OSBPL9: variants seen among roughly 807,000 people sequenced by gnomAD.
OSBPL9 encodes oxysterol binding protein like 9.
A neutral mutation model predicts 106.6 loss-of-function variants in OSBPL9; 40 were observed. That is an observed-to-expected ratio of 0.38 (90% CI 0.29 to 0.49). The LOEUF (loss-of-function observed/expected upper bound fraction) is 0.49. Ranked by LOEUF, OSBPL9 falls within the 20% of genes least tolerant of loss-of-function variation. The pLI is 0.97. For synonymous variants in OSBPL9, 269 were observed against 295.4 expected (o/e 0.91, Z 0.92); for missense variants, 609 against 887.2 (o/e 0.69, Z 3.98).
At chr1:51,644,126 G>T (rs1005116053) in intron 1 of OSBPL9, among the ~76,000 whole-genome samples, 7 of 150,356 alleles carry the variant, frequency 4.7e-5, no homozygotes, top group Non-Finnish European at 1.0e-4. Flanking sequence ...ACAATATTGG[G>T]ATGTATTGTA....
chr1:51,593,379 C>G (rs1409371095), intron 1 of OSBPL9, among the ~76,000 whole-genome samples: 1 of 152,156 alleles, frequency 6.6e-6, no homozygotes, highest in Non-Finnish European at 1.5e-5. Context: ...CCACTTATCA[C>G]CTTCACTAGT....
At chr1:51,680,458 C>T (rs1427135237) in intron 3 of OSBPL9, among the ~76,000 whole-genome samples, 3 of 151,580 alleles carry the variant, frequency 2.0e-5, no homozygotes, top group Non-Finnish European at 4.4e-5. Flanking sequence ...AGTTTGAGAC[C>T]AGCCTAGCCA....
At chr1:51,688,716 A>G (rs1283392648) in intron 3 of OSBPL9, among the ~76,000 whole-genome samples, 1 of 152,220 alleles carries the variant, frequency 6.6e-6, no homozygotes, top group Non-Finnish European at 1.5e-5. Context: ...GTGATTTGGT[A>G]TAAATCATTG....
In OSBPL9 at chr1:51,787,908, C is replaced by T; in HGVS notation, c.*119C>T. 1.1e-6 allele frequency: 1 copy of T among 873,924 alleles called. No homozygotes were observed. Among genetic ancestry groups the T allele is most frequent in the Admixed American group, 2.2e-5 (1 of 44,636 alleles). The allele number at this position is 873,924 out of a possible 1,614,324, so 54.1% of individuals were successfully genotyped here. ...ATCTTCTAATTACAGTGGTTCCTAT[C>T]TCAGGGATACTGGACTTTCTGACGC... is the stretch of plus-strand genomic sequence containing the variant. On this transcript the variant is annotated 3_prime_UTR_variant, in exon 24 of 24. Coordinates refer to ENST00000428468, the MANE Select transcript of OSBPL9 (RefSeq NM_024586.6).
chr1:51,717,964 G>A (rs1442227353), intron 4 of OSBPL9, among the ~76,000 whole-genome samples: 1 of 152,154 alleles, frequency 6.6e-6, no homozygotes. Flanking sequence ...CAACCCAGGT[G>A]TCCAACAGAT....
At chr1:51,740,360 C>A in intron 4 of OSBPL9, 1 of 1,065,408 alleles carries the variant, frequency 9.4e-7, no homozygotes, top group Non-Finnish European at 1.2e-6. Context: ...GCTAAGTTTT[C>A]ATTAGTTTTA....
intron 1 of OSBPL9, among the ~76,000 whole-genome samples, chr1:51,628,988 ACT>A (rs1644944449): frequency 6.6e-6 from 1 of 151,432 alleles, no homozygotes; most frequent in Admixed American, 6.6e-5. Flanking sequence ...TTAGCTTAAC[ACT>A]CTCTATTCAC....
chr1:51,596,690 G>T (rs180967749), intron 1 of OSBPL9, among the ~76,000 whole-genome samples: 11 of 152,174 alleles, frequency 7.2e-5, no homozygotes, highest in African/African-American at 2.7e-4. Flanking sequence ...TGAGGCAGGA[G>T]AATTGCTTGA....
the OSBPL9 span, among the ~76,000 whole-genome samples, chr1:51,532,927 G>A: frequency 6.6e-6 from 1 of 152,052 alleles, no homozygotes; most frequent in African/African-American, 2.4e-5. Flanking sequence ...AGGAGATTTA[G>A]AAAGATAAGT....
At chr1:51,549,347 G>A in the OSBPL9 span, among the ~76,000 whole-genome samples, 2 of 152,150 alleles carry the variant, frequency 1.3e-5, no homozygotes, top group African/African-American at 4.8e-5. Context: ...CCTTCATGAA[G>A]TCTTTTCTCA....
At chr1:51,734,535 T>C (rs1665210420) in intron 4 of OSBPL9, among the ~76,000 whole-genome samples, 1 of 152,220 alleles carries the variant, frequency 6.6e-6, no homozygotes, top group Non-Finnish European at 1.5e-5. Flanking sequence ...CCCCAGGTTT[T>C]CCAATATGGT....
intron 2 of OSBPL9, among the ~76,000 whole-genome samples, chr1:51,605,299 C>G (rs1643937572): frequency 6.6e-6 from 1 of 152,048 alleles, no homozygotes; most frequent in Non-Finnish European, 1.5e-5. Flanking sequence ...AGAGATAAAT[C>G]AAGAAAATCA....
intron 3 of OSBPL9, among the ~76,000 whole-genome samples, chr1:51,674,941 A>C (rs773678016): frequency 6.6e-6 from 1 of 152,242 alleles, no homozygotes; most frequent in Non-Finnish European, 1.5e-5. Flanking sequence ...TAATGTTTTA[A>C]GAAAGTTTAT....
chr1:51,554,855 T>G, the OSBPL9 span, among the ~76,000 whole-genome samples: 1 of 152,222 alleles, frequency 6.6e-6, no homozygotes, highest in Non-Finnish European at 1.5e-5. Context: ...ACTAGGTGCC[T>G]AAATGTCGAA....
At chr1:51,782,453 G>C in intron 16 of OSBPL9, 106 bp from the exon 17 acceptor site, 2 of 733,182 alleles carry the variant, frequency 2.7e-6, no homozygotes, top group Non-Finnish European at 4.5e-6. Context: ...TATATATATA[G>C]GGTGCTTGGT....
the OSBPL9 span, among the ~76,000 whole-genome samples, chr1:51,555,862 C>T: frequency 6.6e-6 from 1 of 152,174 alleles, no homozygotes; most frequent in East Asian, 1.9e-4. Flanking sequence ...TAAGCCACTG[C>T]GCCCAGCCAG....
At chr1:51,520,355 T>C in the OSBPL9 span, among the ~76,000 whole-genome samples, 1 of 152,228 alleles carries the variant, frequency 6.6e-6, no homozygotes, top group Non-Finnish European at 1.5e-5. Context: ...CTTCAAAGTC[T>C]CAGAGTATAT....
At chr1:51,707,575 T>C (rs971047783) in intron 3 of OSBPL9, 2 of 179,336 alleles carry the variant, frequency 1.1e-5, no homozygotes, top group Non-Finnish European at 2.4e-5. Context: ...AGAGGTACCA[T>C]CTACCCACAT....
intron 2 of OSBPL9, among the ~76,000 whole-genome samples, chr1:51,657,366 C>A (rs1646880454): frequency 6.6e-6 from 1 of 152,206 alleles, no homozygotes; most frequent in Non-Finnish European, 1.5e-5. Flanking sequence ...GGATGATTTT[C>A]ATACACATTC....
Sources: gnomAD v4.1 joint callset for allele counts (sites outside exome capture counted in the v4.1 genomes callset) on GRCh38, gnomAD v4.1.1 for gene constraint, MANE v1.5 for transcripts, NCBI Gene and HGNC (gene_info 2026-07-23, HGNC 2026-07-21) for gene names.